LRRC40: variants seen among roughly 807,000 people sequenced by gnomAD.
LRRC40 encodes the protein leucine rich repeat containing 40, also known as leucine-rich repeat-containing protein 40.
Under a neutral mutation model 72.8 loss-of-function variants are expected in LRRC40, and 76 were observed. That is an observed-to-expected ratio of 1.04 (90% CI 0.87 to 1.26). LRRC40 has a LOEUF of 1.26. Ranked by LOEUF, LRRC40 falls within the 50% of genes most tolerant of loss-of-function variation. The pLI, the probability that LRRC40 is intolerant of heterozygous loss-of-function variation, is 0.00. For synonymous variants in LRRC40, 243 were observed against 254.2 expected, an observed-to-expected ratio of 0.96 and a Z score of 0.42; for missense variants, 684 against 698.9, an observed-to-expected ratio of 0.98 and a Z score of 0.24.
chr1:70,175,866 T>C lies in LRRC40; in HGVS notation c.921A>G (p.Glu307=), dbSNP rs1351420399. ...RDNKLKSVPD[E]IILLRSLERL... ...TTTCCAAGGACCGTAGTAGTATAAT[T>C]TCATCTGGAACAGATTTTAACTTGT... The change falls in exon 7 of 15, where the codon GAA becomes GAG. Residue 307 remains glutamate, a synonymous_variant. Coordinates refer to ENST00000370952, the MANE Select transcript of LRRC40 (RefSeq NM_017768.5). The C allele has an allele frequency of 6.3e-7, 1 of 1,598,984 alleles. No individual in the cohort carries two copies.
intron 1 of LRRC40, among the ~76,000 whole-genome samples, chr1:70,198,419 C>G (rs1374499000): frequency 3.9e-5 from 6 of 152,150 alleles, no homozygotes. Flanking sequence ...CATCCAATAA[C>G]ATTCTTGCAC....
chr1:70,145,074 A>G lies in LRRC40; in HGVS notation c.*726T>C, dbSNP rs1302502184. The G allele has an allele frequency of 6.6e-6, 1 of 152,200 alleles. No individual in the cohort carries two copies. Among genetic ancestry groups the G allele is most frequent in the Admixed American group, 6.5e-5 (1 of 15,282 alleles). The allele number at this position is 152,200 out of a possible 1,614,324, so 9.4% of individuals were successfully genotyped here. On this transcript the variant is annotated 3_prime_UTR_variant, in exon 15 of 15. Transcript: ENST00000370952. ...GTTTACCTATCAAATTCCCTTTTAG[A>G]AAAACACTGCAAGTTTAGTCTTACC...
At chr1:70,171,007 CAT>C (rs1281623151) in intron 9 of LRRC40, among the ~76,000 whole-genome samples, 3 of 151,990 alleles carry the variant, frequency 2.0e-5, no homozygotes, top group Non-Finnish European at 4.4e-5. Flanking sequence ...AAAGGTCAGA[CAT>C]ATAGATCAAC....
At chr1:70,159,501 G>C in intron 9 of LRRC40, 63 bp from the exon 10 acceptor site, 1 of 733,180 alleles carries the variant, frequency 1.4e-6, no homozygotes, top group Non-Finnish European at 2.4e-6. Context: ...TAAAATTCTT[G>C]ATAATATATT....
At position 70,173,474 on chromosome 1, in the gene LRRC40, T is replaced by G. The variant is rs1243532897; in HGVS notation, c.1102A>C (p.Lys368Gln). ...GAACATTTTAAAGTACCTTTGATCT[T>G]GCTTCGTAGATATTTTAGGACTTCT... ...TQEVLKYLRSKIKDDGPSQSE... is the reference protein window; with the variant it reads ...TQEVLKYLRSQIKDDGPSQSE... Residue 368 changes from lysine (K) to glutamine (Q), a missense_variant, in exon 9 of 15, where the codon AAG (lysine) becomes CAG (glutamine). Coordinates refer to ENST00000370952, the MANE Select transcript of LRRC40 (RefSeq NM_017768.5). 4.4e-6 allele frequency: 7 copies of G among 1,604,596 alleles called. No individual in the cohort carries two copies.
intron 9 of LRRC40, among the ~76,000 whole-genome samples, chr1:70,169,547 A>C (rs975586537): frequency 6.6e-6 from 1 of 152,218 alleles, no homozygotes; most frequent in African/African-American, 2.4e-5. Context: ...ACTAATATCC[A>C]GCTAGTGTGG....
At position 70,184,849 on chromosome 1, in the gene LRRC40, A is replaced by G; in HGVS notation, c.473T>C (p.Leu158Pro). ...TNLRNLKCLY[L>P]QHNELTCISE... ...TATGCAGGTTAATTCATTATGCTGG[A>G]GATACAGGCACTTCAGGTTTCTTAG... Residue 158 changes from leucine (L) to proline (P), a missense_variant, in exon 4 of 15, where the codon CTC (leucine) becomes CCC (proline). Leu to Pro is a moderately conservative substitution (Grantham distance 98). Transcript: ENST00000370952. 2 of 1,611,272 alleles carry G rather than the reference A, an allele frequency of 1.2e-6. No homozygotes were observed. Among genetic ancestry groups the G allele is most frequent in the East Asian group, 4.5e-5 (2 of 44,744 alleles).
intron 10 of LRRC40, among the ~76,000 whole-genome samples, chr1:70,156,618 A>C (rs1322264479): frequency 6.6e-6 from 1 of 152,174 alleles, no homozygotes; most frequent in Non-Finnish European, 1.5e-5. Flanking sequence ...GGATGCCAGA[A>C]TCTTCTGAGA....
chr1:70,159,326 A>T lies in LRRC40; in HGVS notation c.1220+4T>A. On this transcript the variant is annotated splice_donor_region_variant and intron_variant, in intron 10 of 14. Transcript: ENST00000370952. ...AAAAATAAAAATAATAATAAATTACATACCTATAGTCTAATATTTTTAATG... is the reference window on the plus strand; with the variant it reads ...AAAAATAAAAATAATAATAAATTACTTACCTATAGTCTAATATTTTTAATG... The T allele has an allele frequency of 8.1e-7, 1 of 1,239,082 alleles. No individual in the cohort carries two copies. 76.8% of individuals were successfully genotyped at this position (1,239,082 alleles called of 1,614,324 possible).
intron 5 of LRRC40, chr1:70,180,250 T>C (rs1177550421): frequency 6.6e-6 from 1 of 152,288 alleles, no homozygotes; most frequent in African/African-American, 2.4e-5. Flanking sequence ...GTTTCTGACC[T>C]GGGTTGGTTC....
At chr1:70,167,887 T>C (rs1308662107) in intron 9 of LRRC40, among the ~76,000 whole-genome samples, 19 of 152,156 alleles carry the variant, frequency 1.2e-4, no homozygotes, top group Non-Finnish European at 1.5e-5. Context: ...AGTGCTGGGA[T>C]TATAGGCGTG....
chr1:70,180,962 G>T (rs574068138), intron 5 of LRRC40, 124 bp downstream of exon 5: 1 of 639,926 alleles, frequency 1.6e-6, no homozygotes, highest in South Asian at 3.1e-5. Flanking sequence ...AGTTGCTATT[G>T]TTTGCATTTA....
chr1:70,154,987 T>A (rs1044915298), intron 11 of LRRC40, among the ~76,000 whole-genome samples: 1 of 152,162 alleles, frequency 6.6e-6, no homozygotes, highest in African/African-American at 2.4e-5. Context: ...CAGTACCCTA[T>A]CCTGTCTCAC....
chr1:70,205,381 G>A lies in LRRC40; in HGVS notation c.151+9C>T, dbSNP rs1458782509. 3 of 1,574,398 alleles carry A rather than the reference G, an allele frequency of 1.9e-6. No homozygotes were observed. Among genetic ancestry groups the A allele is most frequent in the East Asian group, 4.5e-5 (2 of 43,996 alleles). ...GGAGACACAATAGGGTCGTACCTCT[G>A]GGTCTTACCTTCACTGAGGTTTCTA... On this transcript the variant is annotated intron_variant, in intron 1 of 14. Transcript: ENST00000370952.
At chr1:70,170,192 AACTC>A (rs1345949599) in intron 9 of LRRC40, among the ~76,000 whole-genome samples, 1 of 152,192 alleles carries the variant, frequency 6.6e-6, no homozygotes, top group Non-Finnish European at 1.5e-5. Context: ...AATTGACAAA[AACTC>A]AACAACTCTT....
intron 1 of LRRC40, among the ~76,000 whole-genome samples, chr1:70,201,478 A>C (rs1475625869): frequency 1.3e-5 from 2 of 152,212 alleles, no homozygotes; most frequent in Non-Finnish European, 2.9e-5. Context: ...TCACTTACTC[A>C]TTGAACAATC....
intron 12 of LRRC40, chr1:70,151,634 TA>T (rs1457108644): frequency 6.5e-6 from 1 of 152,740 alleles, no homozygotes; most frequent in African/African-American, 2.4e-5. Context: ...ACCAAGAAGT[TA>T]AAAAGATTCT....
chr1:70,180,902 T>C (rs1668229471), intron 5 of LRRC40, among the ~76,000 whole-genome samples, 184 bp downstream of exon 5: 1 of 152,186 alleles, frequency 6.6e-6, no homozygotes. Flanking sequence ...TTTATGATGG[T>C]ATTTCTTTAG....
At chr1:70,194,863 G>A (rs938046903) in intron 1 of LRRC40, among the ~76,000 whole-genome samples, 1 of 151,988 alleles carries the variant, frequency 6.6e-6, no homozygotes, top group African/African-American at 2.4e-5. Flanking sequence ...ATTAGCATAA[G>A]GATAAACACA....
Sources: allele counts gnomAD v4.1 joint callset (sites outside exome capture counted in the v4.1 genomes callset), GRCh38; gene constraint gnomAD v4.1.1; transcripts MANE v1.5; gene names NCBI Gene and HGNC (gene_info 2026-07-23, HGNC 2026-07-21).